Variants in GRID2 observed in about 807,000 individuals in gnomAD.
The protein encoded by GRID2 is glutamate ionotropic receptor delta type subunit 2, also known as glutamate receptor ionotropic, delta-2.
A neutral mutation model predicts 114.8 loss-of-function variants in GRID2; 33 were observed. That is an observed-to-expected ratio of 0.29 (90% CI 0.22 to 0.38). The LOEUF is 0.38. Among genes scored for constraint, GRID2 ranks in the 10% least tolerant of loss-of-function variants. GRID2 has a pLI of 1.00. For missense variants in GRID2, 1,184 were observed against 1,257.7 expected (o/e 0.94, Z 0.89); for synonymous variants, 505 against 449.9 (o/e 1.12, Z -1.55).
At position 93,625,788 on chromosome 4, in the gene GRID2, G is replaced by T. The variant is rs1056848979; in HGVS notation, c.2194-481G>T. On this transcript the variant is annotated intron_variant, in intron 13 of 15. Transcript: ENST00000282020. ...AAATTAGCGGGGCGCGGTGGTGGGC[G>T]CCTGTAGTCCCAGCTACTCGGGAGG... Among the ~76,000 whole-genome samples the T allele has an allele frequency of 2.6e-5, 4 of 152,248 alleles. No homozygotes were observed. The South Asian group carries it at 6.2e-4, about 24-fold the overall frequency.
intron 8 of GRID2, among the ~76,000 whole-genome samples, chr4:93,248,633 C>T (rs1413218159): frequency 6.6e-6 from 1 of 152,144 alleles, no homozygotes; most frequent in Non-Finnish European, 1.5e-5. Context: ...TACACATTCT[C>T]TTTTAGCAGT....
chr4:93,362,324 G>A (rs537446840), intron 8 of GRID2, among the ~76,000 whole-genome samples: 4 of 151,984 alleles, frequency 2.6e-5, no homozygotes, highest in East Asian at 2.0e-4. Context: ...AGTTGTTGCC[G>A]GGGGACGGGT....
chr4:92,858,739 A>C lies in GRID2; in HGVS notation c.245-226256A>C, dbSNP rs576833079. Among the ~76,000 whole-genome samples, 22 of 152,122 alleles carry C rather than the reference A, an allele frequency of 1.4e-4. No homozygotes were observed. The East Asian group carries it at 4.3e-3, about 30-fold the overall frequency. On this transcript the variant is annotated intron_variant, in intron 2 of 15. Coordinates refer to ENST00000282020, the MANE Select transcript of GRID2 (RefSeq NM_001510.4). The stretch of plus-strand genomic sequence containing the variant: ...CACCTGGCTAATTTTTTGTATTTTT[A>C]GTAGAGACGGGGTTTCACCATGTTA...
intron 5 of GRID2, among the ~76,000 whole-genome samples, chr4:93,214,243 T>G (rs1743923874): frequency 6.6e-6 from 1 of 152,044 alleles, no homozygotes; most frequent in South Asian, 2.1e-4. Context: ...GTTTAAACAT[T>G]TTTTAAAAAA....
At chr4:92,758,548 A>G (rs903840590) in intron 2 of GRID2, among the ~76,000 whole-genome samples, 4 of 152,108 alleles carry the variant, frequency 2.6e-5, no homozygotes, top group Admixed American at 6.5e-5. Context: ...TAAGTACTCA[A>G]TGGGGATAAT....
At chr4:93,189,917 C>T (rs1257734535) in intron 4 of GRID2, among the ~76,000 whole-genome samples, 7 of 151,940 alleles carry the variant, frequency 4.6e-5, no homozygotes, top group African/African-American at 1.5e-4. Flanking sequence ...GTCCTTACCT[C>T]TTCATCTAGT....
In GRID2 at chr4:92,987,080, T is replaced by G. The variant is rs551726824; in HGVS notation, c.245-97915T>G. 8.6e-4 allele frequency among the ~76,000 whole-genome samples: 131 copies of G among 152,158 alleles called. No homozygotes were observed. The South Asian group carries it at 0.026, about 31-fold the overall frequency. On this transcript the variant is annotated intron_variant, in intron 2 of 15. Transcript: ENST00000282020. ...GATGGAAACTGTGCAAATATTATTG[T>G]GTCTATTTATAACTGATTTACATTA...
At chr4:92,841,386 A>C (rs1025476344) in intron 2 of GRID2, among the ~76,000 whole-genome samples, 8 of 152,130 alleles carry the variant, frequency 5.3e-5, no homozygotes, top group Non-Finnish European at 1.0e-4. Context: ...TTATAATTTT[A>C]CATATGCAGA....
At chr4:92,620,644 T>C (rs1206297176) in intron 2 of GRID2, among the ~76,000 whole-genome samples, 2 of 151,758 alleles carry the variant, frequency 1.3e-5, no homozygotes, top group South Asian at 2.1e-4. Context: ...ATGAGTTTTA[T>C]GTAAATTATT....
chr4:93,453,757 G>A (rs1722936758), intron 10 of GRID2, among the ~76,000 whole-genome samples: 1 of 151,938 alleles, frequency 6.6e-6, no homozygotes, highest in South Asian at 2.1e-4. Flanking sequence ...CTCCTCAGGT[G>A]GAATTTTCTG....
chr4:92,877,093 C>G (rs1204479691), intron 2 of GRID2, among the ~76,000 whole-genome samples: 1 of 152,144 alleles, frequency 6.6e-6, no homozygotes, highest in Non-Finnish European at 1.5e-5. Context: ...TTAAAAAACT[C>G]TCCATTAAAA....
At chr4:92,811,402 T>C (rs1740657296) in intron 2 of GRID2, among the ~76,000 whole-genome samples, 1 of 152,126 alleles carries the variant, frequency 6.6e-6, no homozygotes, top group Admixed American at 6.6e-5. Context: ...TTGCTTTCTT[T>C]ACTGTTTCTT....
At chr4:92,617,149 A>G in intron 2 of GRID2, among the ~76,000 whole-genome samples, 1 of 151,312 alleles carries the variant, frequency 6.6e-6, no homozygotes, top group East Asian at 2.0e-4. Context: ...GTACACAAGA[A>G]TTTGTTCCTA....
At chr4:93,392,543 T>A (rs1381616193) in intron 8 of GRID2, among the ~76,000 whole-genome samples, 2 of 152,098 alleles carry the variant, frequency 1.3e-5, no homozygotes, top group Non-Finnish European at 2.9e-5. Flanking sequence ...AAGCTTGAAA[T>A]GAACCTCAGG....
At chr4:93,550,864 A>G (rs566091555) in intron 13 of GRID2, among the ~76,000 whole-genome samples, 1 of 152,280 alleles carries the variant, frequency 6.6e-6, no homozygotes, top group East Asian at 1.9e-4. Context: ...TTAGTGTAGT[A>G]ATTTTTTCAA....
At chr4:93,573,217 T>A (rs1346645732) in intron 13 of GRID2, among the ~76,000 whole-genome samples, 1 of 152,218 alleles carries the variant, frequency 6.6e-6, no homozygotes, top group Non-Finnish European at 1.5e-5. Flanking sequence ...TATCCCATTA[T>A]CTTTCATCAC....
At chr4:93,228,625 G>T (rs1745772203) in intron 7 of GRID2, among the ~76,000 whole-genome samples, 1 of 152,130 alleles carries the variant, frequency 6.6e-6, no homozygotes, top group African/African-American at 2.4e-5. Context: ...AAATGAATAA[G>T]TCTAATCTAG....
chr4:93,120,950 C>G (rs1402361246), intron 4 of GRID2, among the ~76,000 whole-genome samples: 1 of 151,912 alleles, frequency 6.6e-6, no homozygotes, highest in Admixed American at 6.6e-5. Flanking sequence ...GAGACTCTGT[C>G]TCAAAAAATA....
chr4:93,001,501 A>G (rs192954762), intron 2 of GRID2, among the ~76,000 whole-genome samples: 141 of 151,890 alleles, frequency 9.3e-4, no homozygotes, highest in Non-Finnish European at 1.4e-3. Context: ...ATAGGAATAA[A>G]TAAGATATCA....
Sources: allele counts gnomAD v4.1 joint callset (sites outside exome capture counted in the v4.1 genomes callset), GRCh38; gene constraint gnomAD v4.1.1; transcripts MANE v1.5; gene names NCBI Gene and HGNC (gene_info 2026-07-23, HGNC 2026-07-21).